The following KIAA0040 variants were observed in gnomAD, a reference collection of about 807,000 sequenced individuals.
KIAA0040 encodes uncharacterized protein KIAA0040.
In KIAA0040, 10 loss-of-function variants were observed where a neutral mutation model predicts 7.2. That is an observed-to-expected ratio of 1.38 (90% CI 0.85 to 2.34). The LOEUF is 2.34. Ranked by LOEUF, KIAA0040 falls within the 30% of genes most tolerant of loss-of-function variation. The pLI is 0.00. For synonymous variants in KIAA0040, 49 were observed against 40.1 expected, an observed-to-expected ratio of 1.22 and a Z score of -0.84; for missense variants, 89 against 108.2, an observed-to-expected ratio of 0.82 and a Z score of 0.79.
chr1:175,182,207 T>C (rs564380476), intron 1 of KIAA0040, among the ~76,000 whole-genome samples: 9 of 152,322 alleles, frequency 5.9e-5, no homozygotes, highest in Non-Finnish European at 1.3e-4. Flanking sequence ...TTTCAAATTG[T>C]TTTCACATTT....
chr1:175,191,034 C>T (rs904572328), intron 1 of KIAA0040, among the ~76,000 whole-genome samples: 1 of 152,178 alleles, frequency 6.6e-6, no homozygotes, highest in Non-Finnish European at 1.5e-5. Flanking sequence ...GATCTCCTGC[C>T]CTCTCCCCTG....
chr1:175,178,301 TGAGCAGAAG>T (rs1677288434), intron 1 of KIAA0040, among the ~76,000 whole-genome samples: 1 of 152,234 alleles, frequency 6.6e-6, no homozygotes, highest in East Asian at 1.9e-4. Context: ...ACCTTCAGTG[TGAGCAGAAG>T]GAATGGTACC....
chr1:175,191,239 A>G (rs1256450315), intron 1 of KIAA0040, among the ~76,000 whole-genome samples: 1 of 152,228 alleles, frequency 6.6e-6, no homozygotes, highest in East Asian at 1.9e-4. Flanking sequence ...AATGTATGGA[A>G]TGGATGCATC....
At chr1:175,172,243 T>C (rs1036844756) in intron 2 of KIAA0040, among the ~76,000 whole-genome samples, 4 of 152,194 alleles carry the variant, frequency 2.6e-5, no homozygotes, top group Non-Finnish European at 4.4e-5. Flanking sequence ...ATTCCAGCTG[T>C]ACTAAATGTG....
chr1:175,178,442 G>T (rs1028163859), intron 1 of KIAA0040, among the ~76,000 whole-genome samples: 2 of 152,188 alleles, frequency 1.3e-5, no homozygotes, highest in African/African-American at 4.8e-5. Context: ...CAAACATATT[G>T]TTCTTTATAC....
At chr1:175,163,943 G>A (rs565160818) in intron 3 of KIAA0040, among the ~76,000 whole-genome samples, 3 of 152,248 alleles carry the variant, frequency 2.0e-5, no homozygotes, top group East Asian at 1.9e-4. Context: ...TTGAAGATGC[G>A]TAGTATTTTG....
chr1:175,174,818 T>C (rs78264730), intron 2 of KIAA0040, among the ~76,000 whole-genome samples: 63 of 151,770 alleles, frequency 4.2e-4, no homozygotes, highest in Admixed American at 1.6e-3. Flanking sequence ...TATATATATA[T>C]ACACATACAT....
intron 1 of KIAA0040, among the ~76,000 whole-genome samples, chr1:175,181,989 G>C (rs1054307007): frequency 2.0e-5 from 3 of 152,116 alleles, no homozygotes; most frequent in Non-Finnish European, 4.4e-5. Flanking sequence ...GGGCCTTCTT[G>C]CAGCCACTGC....
chr1:175,173,187 C>T (rs927127448), intron 2 of KIAA0040, among the ~76,000 whole-genome samples: 5 of 152,162 alleles, frequency 3.3e-5, no homozygotes, highest in Non-Finnish European at 5.9e-5. Flanking sequence ...TTGTCCATCA[C>T]TATCAATTTT....
chr1:175,171,417 A>G (rs1298629998), intron 2 of KIAA0040, among the ~76,000 whole-genome samples: 1 of 152,206 alleles, frequency 6.6e-6, no homozygotes, highest in African/African-American at 2.4e-5. Flanking sequence ...TGAATGAATG[A>G]ATGAGTGAAG....
rs557664738 is a variant in KIAA0040 at position 175,159,399 on chromosome 1, G to A, written c.*1315C>T. On this transcript the variant is annotated 3_prime_UTR_variant, in exon 4 of 4. Coordinates refer to ENST00000423313, the MANE Select transcript of KIAA0040 (RefSeq NM_014656.3). ...GCTCACTTAGAAGAGAAGATCACTCGGGGAGAACTGGTGAGGTATTACAAG... is the reference window on the plus strand; with the variant it reads ...GCTCACTTAGAAGAGAAGATCACTCAGGGAGAACTGGTGAGGTATTACAAG... 36 of 152,276 alleles carry A rather than the reference G, an allele frequency of 2.4e-4. No homozygotes were observed. The highest frequency in any genetic ancestry group is 7.7e-4 in the African/African-American group (32 of 41,562). The allele number at this position is 152,276 out of a possible 1,614,324, so 9.4% of individuals were successfully genotyped here. A position where few individuals can be genotyped will look rare whatever the true frequency, so the allele number is the denominator to read the frequency against.
chr1:175,178,736 C>T (rs188641554), intron 1 of KIAA0040, among the ~76,000 whole-genome samples: 71 of 152,230 alleles, frequency 4.7e-4, no homozygotes, highest in African/African-American at 6.3e-4. Flanking sequence ...GTCTCTAAGA[C>T]GGGAAGACAA....
rs1676316225 is a variant in KIAA0040 at position 175,157,317 on chromosome 1, G to A, written c.*3397C>T. The A allele has an allele frequency of 1.3e-5, 2 of 152,232 alleles. No individual in the cohort carries two copies. The highest frequency in any genetic ancestry group is 2.4e-5 in the African/African-American group (1 of 41,446). 9.4% of individuals were successfully genotyped at this position (152,232 alleles called of 1,614,324 possible). On this transcript the variant is annotated 3_prime_UTR_variant, in exon 4 of 4. Transcript: ENST00000423313. ...TTTCCTGTAGCTGGCACCTTTGAGG[G>A]AGTCTGGTCTCCAAGGCCATCTGTT...
chr1:175,171,947 A>G (rs1677009027), intron 2 of KIAA0040, among the ~76,000 whole-genome samples: 1 of 152,256 alleles, frequency 6.6e-6, no homozygotes, highest in Non-Finnish European at 1.5e-5. Flanking sequence ...TCTTGTCTCA[A>G]GGATGATACC....
chr1:175,160,487 G>A lies in KIAA0040; in HGVS notation c.*227C>T. The A allele has an allele frequency of 1.9e-6, 1 of 536,698 alleles. No individual in the cohort carries two copies. Among genetic ancestry groups the A allele is most frequent in the Non-Finnish European group, 3.3e-6 (1 of 301,902 alleles). 33.2% of individuals were successfully genotyped at this position (536,698 alleles called of 1,614,324 possible). On this transcript the variant is annotated 3_prime_UTR_variant, in exon 4 of 4. Coordinates refer to ENST00000423313, the MANE Select transcript of KIAA0040 (RefSeq NM_014656.3). ...GAGGCATGCCTGGGTCTGCAGTAAG[G>A]AGCATTGCTATTGGACACATAGCTG...
intron 2 of KIAA0040, among the ~76,000 whole-genome samples, chr1:175,170,552 C>T (rs977677765): frequency 2.0e-5 from 3 of 152,156 alleles, no homozygotes; most frequent in African/African-American, 7.2e-5. Context: ...CTGTTTATCA[C>T]ATAATAGGTG....
At chr1:175,178,091 G>C (rs140473116) in intron 1 of KIAA0040, among the ~76,000 whole-genome samples, 1 of 152,352 alleles carries the variant, frequency 6.6e-6, no homozygotes, top group South Asian at 2.1e-4. Flanking sequence ...GCTGGATGGA[G>C]ACCACTCCTA....
intron 3 of KIAA0040, among the ~76,000 whole-genome samples, chr1:175,163,100 T>C (rs1180127395): frequency 6.6e-6 from 1 of 152,196 alleles, no homozygotes; most frequent in African/African-American, 2.4e-5. Context: ...TCTGGAGAGT[T>C]TGGCTCCAGA....
chr1:175,185,001 G>A (rs1037601230), intron 1 of KIAA0040, among the ~76,000 whole-genome samples: 20 of 152,180 alleles, frequency 1.3e-4, no homozygotes, highest in African/African-American at 4.8e-4. Flanking sequence ...TTAGCTCTTC[G>A]TGGAGACCTC....
Sources: gnomAD v4.1 joint callset for allele counts (sites outside exome capture counted in the v4.1 genomes callset) on GRCh38, gnomAD v4.1.1 for gene constraint, MANE v1.5 for transcripts, NCBI Gene and HGNC (gene_info 2026-07-23, HGNC 2026-07-21) for gene names.